The following PDLIM3 variants were observed in gnomAD, a reference collection of about 807,000 sequenced individuals.
PDLIM3 encodes PDZ and LIM domain protein 3.
A neutral mutation model predicts 37.3 loss-of-function variants in PDLIM3; 36 were observed. That is an observed-to-expected ratio of 0.97 (90% CI 0.74 to 1.28). PDLIM3 has a LOEUF of 1.28. Among genes scored for constraint, PDLIM3 ranks in the 50% most tolerant of loss-of-function variants. The pLI, the probability that PDLIM3 is intolerant of heterozygous loss-of-function variation, is 0.00. For missense variants in PDLIM3, 454 were observed against 485.0 expected (o/e 0.94, Z 0.60); for synonymous variants, 174 against 182.4 (o/e 0.95, Z 0.37).
At chr4:185,520,372 G>A (rs2095721926) in intron 3 of PDLIM3, among the ~76,000 whole-genome samples, 1 of 152,150 alleles carries the variant, frequency 6.6e-6, no homozygotes, top group Non-Finnish European at 1.5e-5. Flanking sequence ...ATGACGCAAA[G>A]TCATGGAATG....
At chr4:185,534,790 C>A (rs1417753264) in intron 1 of PDLIM3, among the ~76,000 whole-genome samples, 1 of 152,218 alleles carries the variant, frequency 6.6e-6, no homozygotes, top group Non-Finnish European at 1.5e-5. Flanking sequence ...AGGAAGACTT[C>A]CCCTGTCTGG....
At chr4:185,510,784 C>T (rs996380101) in intron 4 of PDLIM3, among the ~76,000 whole-genome samples, 1 of 152,146 alleles carries the variant, frequency 6.6e-6, no homozygotes, top group Admixed American at 6.5e-5. Context: ...ATCAATCAGG[C>T]CCATGTCTAT....
chr4:185,523,445 C>A lies in PDLIM3; in HGVS notation c.247G>T (p.Gly83Ter), dbSNP rs776195245. 1 of 1,588,770 alleles carries A rather than the reference C, an allele frequency of 6.3e-7. No homozygotes were observed. Among genetic ancestry groups the A allele is most frequent in the Admixed American group, 1.7e-5 (1 of 59,868 alleles). Reference sequence around the variant, plus strand: ...TGTGGAGACCATAAGTGAGTTTCTCCCCTGGAAATAAAATAAAATTTGTAA... The same window carrying A: ...TGTGGAGACCATAAGTGAGTTTCTCACCTGGAAATAAAATAAAATTTGTAA... ...AHQLCLKIDRGETHLWSPQVS... is the reference protein window; with the variant it reads ...AHQLCLKIDR Residue 83 changes from glycine to a stop codon, truncating the protein, a stop_gained and splice_region_variant, in exon 3 of 8, where the codon GGA (glycine) becomes TGA (stop). Transcript: ENST00000284767. LOFTEE classifies it high-confidence loss of function.
chr4:185,514,808 A>G lies in PDLIM3; in HGVS notation c.331-471T>C, dbSNP rs2095712376. The G allele has an allele frequency of 6.4e-7, 1 of 1,551,586 alleles. No individual in the cohort carries two copies. ...TGGCGAGTTATAGGAAGCGCTCACT[A>G]CCTGTCTTTTGTCATCAATGTTTGC... On this transcript the variant is annotated intron_variant, in intron 3 of 7. Coordinates refer to ENST00000284767, the MANE Select transcript of PDLIM3 (RefSeq NM_014476.6). The surrounding 1 kb of genome is among the most constrained non-coding windows in gnomAD (Gnocchi z 4.0).
At chr4:185,508,182 A>T in intron 5 of PDLIM3, 117 bp downstream of exon 5, 4 of 1,042,828 alleles carry the variant, frequency 3.8e-6, no homozygotes, top group Non-Finnish European at 4.5e-6. Flanking sequence ...TTAGTATTTT[A>T]AAAAAGCTTT....
chr4:185,517,570 A>C (rs1433104733), intron 3 of PDLIM3: 1 of 151,918 alleles, frequency 6.6e-6, no homozygotes, highest in Non-Finnish European at 1.5e-5. Context: ...AATAATCTCT[A>C]GTAGAATTTC....
At chr4:185,533,150 G>T (rs1393405502) in intron 1 of PDLIM3, among the ~76,000 whole-genome samples, 1 of 152,146 alleles carries the variant, frequency 6.6e-6, no homozygotes, top group Admixed American at 6.5e-5. Context: ...TGAGATTTCA[G>T]TGAGTTCGTG....
At chr4:185,522,963 T>G (rs1171429425) in intron 3 of PDLIM3, among the ~76,000 whole-genome samples, 1 of 152,270 alleles carries the variant, frequency 6.6e-6, no homozygotes, top group Non-Finnish European at 1.5e-5. Flanking sequence ...GGACTGAAAT[T>G]CACAGTAACC....
Position 185,512,774 on chromosome 4 carries a change from A to T in PDLIM3, c.398+1496T>A, listed in dbSNP as rs947589734. On this transcript the variant is annotated intron_variant, in intron 4 of 7. Transcript: ENST00000284767. ...ACTATGCTTCTTTGGGAAGTTGTAT[A>T]TATTCAACAGTAAAATATCATATCC... 10 of 984,702 alleles carry T rather than the reference A, an allele frequency of 1.0e-5. No individual in the cohort carries two copies. The African/African-American group carries it at 1.2e-4, about 12-fold the overall frequency. The allele number at this position is 984,702 out of a possible 1,614,324, so 61.0% of individuals were successfully genotyped here.
chr4:185,528,626 C>T lies in PDLIM3; in HGVS notation c.94-3455G>A, dbSNP rs2054773. ...GCTTTGCTGCTGAGCAGCTGTACAG[C>T]TATGTCACCAGCTCCTTCAGAAGTC... On this transcript the variant is annotated intron_variant, in intron 1 of 7. Transcript: ENST00000284767. Among the ~76,000 whole-genome samples, 1,007 of 152,344 alleles carry T rather than the reference C, an allele frequency of 6.6e-3. 9 individuals are homozygous for T. Among genetic ancestry groups the T allele is most frequent in the Middle Eastern group, 0.014 (4 of 294 alleles).
In PDLIM3 at chr4:185,514,950, G is replaced by A. The variant is rs918220749; in HGVS notation, c.331-613C>T. On this transcript the variant is annotated intron_variant, in intron 3 of 7. Coordinates refer to ENST00000284767, the MANE Select transcript of PDLIM3 (RefSeq NM_014476.6). This position sits in a 1 kb window ranked among gnomAD's most constrained non-coding sequence, Gnocchi z 4.0. ...GCGCACAAGAAAGCCATTAGTGAGC[G>A]AAACCAACAGCATCACTACTGTTAA... is the stretch of plus-strand genomic sequence containing the variant. 26 of 1,324,058 alleles carry A rather than the reference G, an allele frequency of 2.0e-5. No individual in the cohort carries two copies. Among genetic ancestry groups the A allele is most frequent in the East Asian group, 7.6e-5 (3 of 39,298 alleles). The allele number at this position is 1,324,058 out of a possible 1,614,324, so 82.0% of individuals were successfully genotyped here. A position where few individuals can be genotyped will look rare whatever the true frequency, so the allele number is the denominator to read the frequency against.
intron 1 of PDLIM3, among the ~76,000 whole-genome samples, chr4:185,527,689 TTC>T (rs1454838251): frequency 6.6e-6 from 1 of 152,216 alleles, no homozygotes; most frequent in African/African-American, 2.4e-5. Context: ...ACTTTTAATT[TTC>T]TCTCATTTGT....
rs2095687902 is a variant in PDLIM3 at position 185,502,082 on chromosome 4, T to G, written c.*212A>C. The stretch of plus-strand genomic sequence containing the variant: ...TCATTATTGCTAGCCCCAAAAAGAG[T>G]TGCAAAACATAGCTAAGTGTATGTT... On this transcript the variant is annotated 3_prime_UTR_variant, in exon 8 of 8. Coordinates refer to ENST00000284767, the MANE Select transcript of PDLIM3 (RefSeq NM_014476.6). 1 of 599,698 alleles carries G rather than the reference T, an allele frequency of 1.7e-6. No homozygotes were observed. The highest frequency in any genetic ancestry group is 3.0e-6 in the Non-Finnish European group (1 of 336,290). The allele number at this position is 599,698 out of a possible 1,614,324, so 37.1% of individuals were successfully genotyped here.
intron 1 of PDLIM3, 148 bp downstream of exon 1, chr4:185,535,194 G>A (rs2095751461): frequency 1.6e-6 from 1 of 621,416 alleles, no homozygotes; most frequent in South Asian, 2.2e-5. Flanking sequence ...CCCCGGAGCT[G>A]GGCGCCGAAG....
Position 185,504,389 on chromosome 4 carries a change from G to T in PDLIM3, c.905+86C>A. Reference sequence around the variant, plus strand: ...GAATAGAAATTTGGTTTTCACAGTTGCCTTTAGTCTATAAAGTCTTAAAGG... The same window carrying T: ...GAATAGAAATTTGGTTTTCACAGTTTCCTTTAGTCTATAAAGTCTTAAAGG... On this transcript the variant is annotated intron_variant, in intron 7 of 7. Transcript: ENST00000284767. This position sits in a 1 kb window ranked among gnomAD's most constrained non-coding sequence, Gnocchi z 4.7. 8.9e-7 allele frequency: 1 copy of T among 1,124,820 alleles called. No individual in the cohort carries two copies. The highest frequency in any genetic ancestry group is 1.3e-6 in the Non-Finnish European group (1 of 759,162). The allele number at this position is 1,124,820 out of a possible 1,614,324, so 69.7% of individuals were successfully genotyped here.
Position 185,501,929 on chromosome 4 carries a change from T to C in PDLIM3, c.*365A>G, listed in dbSNP as rs191350771. Reference sequence around the variant, plus strand: ...GATTGTTATTTGCTATTTACCACAATTGCAAAATCAACTTGTCAAGGAAAG... The same window carrying C: ...GATTGTTATTTGCTATTTACCACAACTGCAAAATCAACTTGTCAAGGAAAG... On this transcript the variant is annotated 3_prime_UTR_variant, in exon 8 of 8. Coordinates refer to ENST00000284767, the MANE Select transcript of PDLIM3 (RefSeq NM_014476.6). The C allele has an allele frequency of 1.2e-5, 4 of 331,596 alleles. No individual in the cohort carries two copies. Among genetic ancestry groups the C allele is most frequent in the East Asian group, 7.7e-5 (1 of 12,954 alleles). The allele number at this position is 331,596 out of a possible 1,614,324, so 20.5% of individuals were successfully genotyped here.
rs1395319700 is a variant in PDLIM3 at position 185,515,220 on chromosome 4, TTG to T, written c.331-885_331-884del. 3 of 169,598 alleles carry T rather than the reference TTG, an allele frequency of 1.8e-5. No individual in the cohort carries two copies. The Admixed American group carries it at 1.9e-4, about 11-fold the overall frequency. The allele number at this position is 169,598 out of a possible 1,614,324, so 10.5% of individuals were successfully genotyped here. A position where few individuals can be genotyped will look rare whatever the true frequency, so the allele number is the denominator to read the frequency against. On this transcript the variant is annotated intron_variant, in intron 3 of 7. Transcript: ENST00000284767. ...AATGACTCATTTGAATACAGACATT[TTG>T]TGTCAGAAATGGGATTTTTGGCTTG... is the stretch of plus-strand genomic sequence containing the variant.
Position 185,502,234 on chromosome 4 carries a change from T to C in PDLIM3, c.*60A>G. On this transcript the variant is annotated 3_prime_UTR_variant, in exon 8 of 8. Transcript: ENST00000284767. Reference sequence around the variant, plus strand: ...CAATCCTTCTGCCCAAAGCCATGAATGTCTTCTCGTGTAAGTGCGCGTGGG... The same window carrying C: ...CAATCCTTCTGCCCAAAGCCATGAACGTCTTCTCGTGTAAGTGCGCGTGGG... The C allele has an allele frequency of 2.0e-6, 3 of 1,519,008 alleles. No individual in the cohort carries two copies. In the Admixed American group the frequency reaches 5.0e-5, roughly 25 times the overall value. 94.1% of individuals were successfully genotyped at this position (1,519,008 alleles called of 1,614,324 possible).
At chr4:185,508,063 C>A (rs2095700712) in intron 5 of PDLIM3, among the ~76,000 whole-genome samples, 1 of 152,142 alleles carries the variant, frequency 6.6e-6, no homozygotes, top group Non-Finnish European at 1.5e-5. Flanking sequence ...CAGATAATTC[C>A]TCAAATCACC....
Sources: gnomAD v4.1 joint callset for allele counts (sites outside exome capture counted in the v4.1 genomes callset) on GRCh38, gnomAD v4.1.1 for gene constraint, Gnocchi (gnomAD v3.1) non-coding constraint, MANE v1.5 for transcripts, NCBI Gene and HGNC (gene_info 2026-07-23, HGNC 2026-07-21) for gene names.